KIRREL3: variants seen among roughly 807,000 people sequenced by gnomAD.
KIRREL3 encodes kin of IRRE-like protein 3.
A neutral mutation model predicts 89.7 loss-of-function variants in KIRREL3; 36 were observed. The observed-to-expected ratio is 0.40, with a 90% CI of 0.31 to 0.53. The LOEUF (loss-of-function observed/expected upper bound fraction) is 0.53. Among genes scored for constraint, KIRREL3 ranks in the 20% least tolerant of loss-of-function variants. KIRREL3 has a pLI of 0.49. For synonymous variants in KIRREL3, 445 were observed against 441.4 expected, an observed-to-expected ratio of 1.01 and a Z score of -0.10; for missense variants, 864 against 1,056.6, an observed-to-expected ratio of 0.82 and a Z score of 2.53.
At chr11:126,672,677 C>T (rs1946009634) in intron 1 of KIRREL3, among the ~76,000 whole-genome samples, 1 of 152,094 alleles carries the variant, frequency 6.6e-6, no homozygotes, top group South Asian at 2.1e-4. Flanking sequence ...GGATCTTTGT[C>T]CTTGGTTCCC....
At position 126,764,937 on chromosome 11, in the gene KIRREL3, C is replaced by T. The variant is rs527338702; in HGVS notation, c.56-202025G>A. 6.6e-6 allele frequency among the ~76,000 whole-genome samples: 1 copy of T among 152,114 alleles called. No individual in the cohort carries two copies. The highest frequency in any genetic ancestry group is 2.4e-5 in the African/African-American group (1 of 41,426). ...TGTCAATATCTCAGCTCTGGTTTTT[C>T]AAGTGCAAGGGTTATTTGCTATATT... On this transcript the variant is annotated intron_variant, in intron 1 of 16. Coordinates refer to ENST00000525144, the MANE Select transcript of KIRREL3 (RefSeq NM_032531.4). This position sits in a 1 kb window ranked among gnomAD's most constrained non-coding sequence, Gnocchi z 4.2.
rs929664084 is a variant in KIRREL3, at chr11:126,676,385, C to T, written c.56-113473G>A. Among the ~76,000 whole-genome samples, 8 of 152,258 alleles carry T rather than the reference C, an allele frequency of 5.3e-5. No individual in the cohort carries two copies. Among genetic ancestry groups the T allele is most frequent in the Non-Finnish European group, 1.2e-4 (8 of 67,998 alleles). ...CCCATCTGTCCTATCTCAGTTCAGG[C>T]TAGAATTCTCTCCTACCCTGGGGCC... On this transcript the variant is annotated intron_variant, in intron 1 of 16. Coordinates refer to ENST00000525144, the MANE Select transcript of KIRREL3 (RefSeq NM_032531.4). The surrounding 1 kb of genome is among the most constrained non-coding windows in gnomAD (Gnocchi z 4.5).
intron 4 of KIRREL3, among the ~76,000 whole-genome samples, chr11:126,503,298 G>T (rs936357084): frequency 1.3e-5 from 2 of 152,166 alleles, no homozygotes; most frequent in Non-Finnish European, 2.9e-5. Context: ...GGGGCAGGTG[G>T]CTGTTAAGGT....
At chr11:126,975,936 C>CT (rs1565471068) in intron 1 of KIRREL3, among the ~76,000 whole-genome samples, 2 of 128,246 alleles carry the variant, frequency 1.6e-5, no homozygotes, top group African/African-American at 2.9e-5. Context: ...CCCTCCCTCC[C>CT]TCCCTTCCTT....
At chr11:126,451,053 ATGTGTGCATGCATGTGCATG>A (rs1314016569) in intron 7 of KIRREL3, among the ~76,000 whole-genome samples, 66 of 130,362 alleles carry the variant, frequency 5.1e-4, no homozygotes, top group Admixed American at 2.0e-3. Context: ...GAGCATGTGC[ATGTGTGCATGCATGTGCATG>A]TGTGTGCGTG....
At position 126,440,793 on chromosome 11, in the gene KIRREL3, CTG is replaced by C. The variant is rs1491073771; in HGVS notation, c.1253-246_1253-245del. On this transcript the variant is annotated intron_variant, in intron 10 of 16. Coordinates refer to ENST00000525144, the MANE Select transcript of KIRREL3 (RefSeq NM_032531.4). ...CAGAACCCCCAGAAGATACAAATAA[CTG>C]TAATAAAAGGTGGTGAGTGTTAGTA... 5.2e-4 allele frequency: 301 copies of C among 580,836 alleles called. 2 individuals are homozygous for C. The highest frequency in any genetic ancestry group is 5.0e-3 in the African/African-American group (269 of 53,578). The allele number at this position is 580,836 out of a possible 1,614,324, so 36.0% of individuals were successfully genotyped here. A position where few individuals can be genotyped will look rare whatever the true frequency, so the allele number is the denominator to read the frequency against.
At chr11:126,663,119 T>C (rs1945492684) in intron 1 of KIRREL3, among the ~76,000 whole-genome samples, 1 of 148,824 alleles carries the variant, frequency 6.7e-6, no homozygotes, top group African/African-American at 2.5e-5. Context: ...CTGATGAGCA[T>C]GGGGAGTGTG....
chr11:126,485,451 G>A lies in KIRREL3; in HGVS notation c.434-11985C>T, dbSNP rs1018244655. On this transcript the variant is annotated intron_variant, in intron 4 of 16. Coordinates refer to ENST00000525144, the MANE Select transcript of KIRREL3 (RefSeq NM_032531.4). The surrounding 1 kb of genome is among the most constrained non-coding windows in gnomAD (Gnocchi z 5.8). The stretch of plus-strand genomic sequence containing the variant: ...GTCAGAGTGCCTGGCTGGGCTTCTG[G>A]CTCCGTCATTCACTGGCCACGTGAC... 2.0e-5 allele frequency among the ~76,000 whole-genome samples: 3 copies of A among 152,186 alleles called. No homozygotes were observed. The highest frequency in any genetic ancestry group is 7.2e-5 in the African/African-American group (3 of 41,450).
intron 1 of KIRREL3, among the ~76,000 whole-genome samples, chr11:126,749,082 C>A (rs892424808): frequency 6.6e-6 from 1 of 152,134 alleles, no homozygotes; most frequent in Non-Finnish European, 1.5e-5. Flanking sequence ...GGCCTCTGCC[C>A]AGTCACTCCT....
intron 1 of KIRREL3, among the ~76,000 whole-genome samples, chr11:126,688,058 C>T (rs1946733829): frequency 6.6e-6 from 1 of 152,222 alleles, no homozygotes; most frequent in Non-Finnish European, 1.5e-5. Flanking sequence ...CGACTCCTGC[C>T]TCTGCTAGTA....
intron 1 of KIRREL3, among the ~76,000 whole-genome samples, chr11:126,625,708 CA>C (rs1170463918): frequency 3.9e-5 from 6 of 152,122 alleles, no homozygotes; most frequent in African/African-American, 1.4e-4. Context: ...ATATTTTATA[CA>C]AGTGATTCCT....
rs191231061 is a variant in KIRREL3, at chr11:126,897,775, A to G, written c.55+102680T>C. Among the ~76,000 whole-genome samples, 2 of 152,394 alleles carry G rather than the reference A, an allele frequency of 1.3e-5. No homozygotes were observed. Among genetic ancestry groups the G allele is most frequent in the East Asian group, 3.8e-4 (2 of 5,196 alleles). ...AAAGCCCATTTTATTCTCATGAAAA[A>G]GAATTTAATGACCCTCTGATATAAA... On this transcript the variant is annotated intron_variant, in intron 1 of 16. Transcript: ENST00000525144. This position sits in a 1 kb window ranked among gnomAD's most constrained non-coding sequence, Gnocchi z 4.2.
In KIRREL3 at chr11:126,771,050, G is replaced by A. The variant is rs1950005193; in HGVS notation, c.56-208138C>T. Among the ~76,000 whole-genome samples, 1 of 152,138 alleles carries A rather than the reference G, an allele frequency of 6.6e-6. No homozygotes were observed. The highest frequency in any genetic ancestry group is 2.4e-5 in the African/African-American group (1 of 41,416). On this transcript the variant is annotated intron_variant, in intron 1 of 16. Transcript: ENST00000525144. The surrounding 1 kb of genome is among the most constrained non-coding windows in gnomAD (Gnocchi z 4.4). ...GGAGTTTTGCCATGTTGACCGGGCT[G>A]GGATTGAACTCCTGACCTCAGGGTG... is the stretch of plus-strand genomic sequence containing the variant.
At chr11:126,450,956 TGAGC>T (rs1229288200) in intron 7 of KIRREL3, among the ~76,000 whole-genome samples, 1 of 151,114 alleles carries the variant, frequency 6.6e-6, no homozygotes, top group East Asian at 2.0e-4. Flanking sequence ...TGTGCATGTG[TGAGC>T]GTGTGCATGC....
intron 1 of KIRREL3, among the ~76,000 whole-genome samples, chr11:126,658,732 T>C (rs1945266828): frequency 6.6e-6 from 1 of 152,216 alleles, no homozygotes; most frequent in African/African-American, 2.4e-5. Flanking sequence ...GCCTCTAGGC[T>C]TTTCTTCCAC....
At position 126,605,413 on chromosome 11, in the gene KIRREL3, G is replaced by C. The variant is rs769065038; in HGVS notation, c.56-42501C>G. Among the ~76,000 whole-genome samples, 79 of 152,182 alleles carry C rather than the reference G, an allele frequency of 5.2e-4. No individual in the cohort carries two copies. Among genetic ancestry groups the C allele is most frequent in the Non-Finnish European group, 9.8e-4 (67 of 68,038 alleles). On this transcript the variant is annotated intron_variant, in intron 1 of 16. Coordinates refer to ENST00000525144, the MANE Select transcript of KIRREL3 (RefSeq NM_032531.4). The surrounding 1 kb of genome is among the most constrained non-coding windows in gnomAD (Gnocchi z 5.7). ...ACTTGGGTCTGGGATTTGAGGCTCA[G>C]GGGGAGGAGTCCTGCGGTGACTGCT...
chr11:126,988,153 C>T (rs1033568124), intron 1 of KIRREL3, among the ~76,000 whole-genome samples: 2 of 152,150 alleles, frequency 1.3e-5, no homozygotes, highest in African/African-American at 4.8e-5. Flanking sequence ...TCAACTCTCC[C>T]TAAGCAGAAT....
Position 126,569,533 on chromosome 11 carries a change from G to A in KIRREL3, c.56-6621C>T, listed in dbSNP as rs551508534. ...TATGTGCAAGAGAAAAAAATAGTAGGCAAACTTCCTAGCCCAAAGATACTA... is the reference window on the plus strand; with the variant it reads ...TATGTGCAAGAGAAAAAAATAGTAGACAAACTTCCTAGCCCAAAGATACTA... On this transcript the variant is annotated intron_variant, in intron 1 of 16. Coordinates refer to ENST00000525144, the MANE Select transcript of KIRREL3 (RefSeq NM_032531.4). The surrounding 1 kb of genome is among the most constrained non-coding windows in gnomAD (Gnocchi z 6.5). 2.0e-5 allele frequency among the ~76,000 whole-genome samples: 3 copies of A among 152,256 alleles called. No homozygotes were observed. In the South Asian group the frequency reaches 6.2e-4, roughly 32 times the overall value.
intron 1 of KIRREL3, among the ~76,000 whole-genome samples, chr11:126,738,032 C>A (rs1948861411): frequency 6.6e-6 from 1 of 152,266 alleles, no homozygotes; most frequent in African/African-American, 2.4e-5. Flanking sequence ...CTTCCCACTA[C>A]CCTTCCCAGC....
Sources: allele counts gnomAD v4.1 joint callset (sites outside exome capture counted in the v4.1 genomes callset), GRCh38; gene constraint gnomAD v4.1.1; non-coding constraint Gnocchi (gnomAD v3.1); transcripts MANE v1.5; gene names NCBI Gene and HGNC (gene_info 2026-07-23, HGNC 2026-07-21).